Variants in NEK11 observed in about 807,000 individuals in gnomAD.
NEK11 encodes NIMA related kinase 11.
A neutral mutation model predicts 80.7 loss-of-function variants in NEK11; 72 were observed. That is an observed-to-expected ratio of 0.89 (90% CI 0.74 to 1.08). The LOEUF is 1.08. NEK11 is among the 50% of genes least tolerant of loss of function. The probability of loss-of-function intolerance (pLI) is 0.00; values close to 1 mark genes in which losing one functional copy is unlikely to be tolerated. For missense variants in NEK11, 764 were observed against 763.6 expected, an observed-to-expected ratio of 1.00 and a Z score of -0.01; for synonymous variants, 251 against 260.7, an observed-to-expected ratio of 0.96 and a Z score of 0.36.
intron 17 of NEK11, among the ~76,000 whole-genome samples, chr3:131,338,136 T>C (rs965454760): frequency 6.6e-6 from 1 of 152,058 alleles, no homozygotes; most frequent in African/African-American, 2.4e-5. Flanking sequence ...CCGGCTTATT[T>C]TTGTATTTTT....
intron 5 of NEK11, among the ~76,000 whole-genome samples, chr3:131,129,955 C>T (rs2084126648): frequency 6.6e-6 from 1 of 152,164 alleles, no homozygotes; most frequent in Admixed American, 6.5e-5. Flanking sequence ...ATCTGTTTAT[C>T]AATGTCTACA....
intron 16 of NEK11, among the ~76,000 whole-genome samples, chr3:131,272,004 G>C (rs1349348375): frequency 6.6e-6 from 1 of 151,828 alleles, no homozygotes; most frequent in African/African-American, 2.4e-5. Context: ...GGAGACTGAG[G>C]CAGAAGAATC....
At chr3:131,153,648 T>C (rs536394357) in intron 9 of NEK11, among the ~76,000 whole-genome samples, 4 of 152,238 alleles carry the variant, frequency 2.6e-5, no homozygotes, top group African/African-American at 9.6e-5. Flanking sequence ...GTGGGGCATG[T>C]TCCAAACCCA....
intron 17 of NEK11, among the ~76,000 whole-genome samples, chr3:131,300,963 T>C (rs2096654736): frequency 6.6e-6 from 1 of 152,212 alleles, no homozygotes. Context: ...GTAAATTGCT[T>C]TGGGCAGTAT....
intron 17 of NEK11, among the ~76,000 whole-genome samples, chr3:131,282,522 T>C (rs1013045169): frequency 6.6e-5 from 10 of 152,098 alleles, no homozygotes; most frequent in African/African-American, 2.2e-4. Flanking sequence ...CCTGTTCTCC[T>C]CCCCAGGTCA....
chr3:131,274,283 T>G (rs1266170353), intron 17 of NEK11, among the ~76,000 whole-genome samples: 1 of 145,730 alleles, frequency 6.9e-6, no homozygotes, highest in African/African-American at 2.7e-5. Flanking sequence ...ACAAAGGACA[T>G]GAACTCATCA....
chr3:131,339,640 A>G (rs1244686712), intron 17 of NEK11, among the ~76,000 whole-genome samples: 1 of 152,234 alleles, frequency 6.6e-6, no homozygotes, highest in Non-Finnish European at 1.5e-5. Context: ...AAAGCATTGT[A>G]TTCTGAGCTT....
intron 7 of NEK11, among the ~76,000 whole-genome samples, chr3:131,139,995 A>C (rs2086526409): frequency 6.6e-6 from 1 of 152,214 alleles, no homozygotes; most frequent in South Asian, 2.1e-4. Flanking sequence ...CCCATGATCC[A>C]TAGGGGCATG....
intron 7 of NEK11, among the ~76,000 whole-genome samples, chr3:131,143,754 A>G (rs1481603323): frequency 1.3e-5 from 2 of 149,810 alleles, no homozygotes; most frequent in African/African-American, 5.1e-5. Context: ...AAGCAGCCCA[A>G]TGTTTTTCAT....
Position 131,029,819 on chromosome 3 carries a change from T to C in NEK11, c.111T>C (p.Ser37=), listed in dbSNP as rs1251280666. The change falls in exon 3 of 18, where the codon AGT becomes AGC. Residue 37 remains serine (S), a synonymous_variant. Coordinates refer to ENST00000383366, the MANE Select transcript of NEK11 (RefSeq NM_024800.5). ...ACGTGCTTCAACAAAAACTTGGCAG[T>C]GGAAGTTTTGGAACTGTCTATCTGG... is the stretch of plus-strand genomic sequence containing the variant. ...RRYVLQQKLG[S]GSFGTVYLVS... is the part of the protein sequence containing the mutation. The C allele has an allele frequency of 3.1e-6, 5 of 1,614,210 alleles. No homozygotes were observed. Among genetic ancestry groups the C allele is most frequent in the Non-Finnish European group, 4.2e-6 (5 of 1,180,026 alleles).
intron 14 of NEK11, among the ~76,000 whole-genome samples, chr3:131,182,151 AAAG>A (rs1380523557): frequency 6.6e-6 from 1 of 151,820 alleles, no homozygotes; most frequent in Non-Finnish European, 1.5e-5. Flanking sequence ...AAAAAAAAAA[AAAG>A]AAAAGAAAAA....
chr3:131,167,727 A>G (rs1427671584), intron 12 of NEK11, among the ~76,000 whole-genome samples: 1 of 152,154 alleles, frequency 6.6e-6, no homozygotes, highest in Non-Finnish European at 1.5e-5. Context: ...GGCCCAACTC[A>G]GATGAAGAAA....
chr3:131,217,230 T>A (rs1033663909), intron 14 of NEK11, among the ~76,000 whole-genome samples: 3 of 152,192 alleles, frequency 2.0e-5, no homozygotes, highest in African/African-American at 7.2e-5. Flanking sequence ...AATTGAAGTT[T>A]TGAGATGGAT....
intron 17 of NEK11, among the ~76,000 whole-genome samples, chr3:131,288,172 T>C (rs913689473): frequency 6.6e-6 from 1 of 152,200 alleles, no homozygotes; most frequent in Non-Finnish European, 1.5e-5. Flanking sequence ...TGTGTTCTGA[T>C]TTCATGCTGT....
At chr3:131,343,985 G>A (rs138417272) in intron 17 of NEK11, among the ~76,000 whole-genome samples, 14 of 152,286 alleles carry the variant, frequency 9.2e-5, no homozygotes, top group African/African-American at 3.4e-4. Context: ...CTAGCAGGTG[G>A]TTGCTCCATA....
At chr3:131,179,645 T>C (rs2093237487) in intron 14 of NEK11, among the ~76,000 whole-genome samples, 1 of 152,220 alleles carries the variant, frequency 6.6e-6, no homozygotes. Context: ...CATTCAAGTT[T>C]GATATTCTTA....
intron 17 of NEK11, among the ~76,000 whole-genome samples, chr3:131,333,428 G>A (rs2110116286): frequency 6.6e-6 from 1 of 152,230 alleles, no homozygotes; most frequent in East Asian, 1.9e-4. Context: ...GAGAGATTTT[G>A]TCACCACCAG....
chr3:131,169,047 G>A, intron 13 of NEK11, 110 bp downstream of exon 13: 1 of 659,242 alleles, frequency 1.5e-6, no homozygotes, highest in Non-Finnish European at 2.5e-6. Flanking sequence ...GAGCCTGAAG[G>A]GTTTTAAATG....
At chr3:131,332,831 A>T (rs1582176632) in intron 17 of NEK11, among the ~76,000 whole-genome samples, 3 of 152,232 alleles carry the variant, frequency 2.0e-5, no homozygotes, top group Non-Finnish European at 1.5e-5. Context: ...CAGAAGCCTC[A>T]GGAGCCGATG....
Sources: allele counts gnomAD v4.1 joint callset (sites outside exome capture counted in the v4.1 genomes callset), GRCh38; gene constraint gnomAD v4.1.1; transcripts MANE v1.5; gene names NCBI Gene and HGNC (gene_info 2026-07-23, HGNC 2026-07-21).